NBAS: variants seen among roughly 807,000 people sequenced by gnomAD.
NBAS encodes NAG/BC035112 fusion.
Under a neutral mutation model 302.5 loss-of-function variants are expected in NBAS, and 219 were observed. The observed-to-expected ratio is 0.72, with a 90% CI of 0.65 to 0.81. The LOEUF is 0.81. NBAS is among the 30% of genes least tolerant of loss of function. NBAS has a pLI of 0.00. For missense variants in NBAS, 2,932 were observed against 2,841.6 expected, an observed-to-expected ratio of 1.03 and a Z score of -0.72; for synonymous variants, 1,118 against 1,021.6, an observed-to-expected ratio of 1.09 and a Z score of -1.80.
At position 15,473,246 on chromosome 2, in the gene NBAS, G is replaced by A. The variant is rs745327746; in HGVS notation, c.1701C>T (p.Asn567=). 2.4e-5 allele frequency: 38 copies of A among 1,614,016 alleles called. No individual in the cohort carries two copies. The East Asian group carries it at 2.7e-4, about 11-fold the overall frequency. Residue 567 remains asparagine (N), a synonymous_variant, in exon 16 of 52, where the codon AAC becomes AAT. Coordinates refer to ENST00000281513, the MANE Select transcript of NBAS (RefSeq NM_015909.4). ...CCAAATAATTCTGAATTGAAGCAAC[G>A]TTGACCGCTGACTTCCTCCACTGCC... ...YQRQWRKSAV[N]VASIQNYLSK... is the part of the protein sequence containing the mutation.
At chr2:15,125,062 A>G in the NBAS span, among the ~76,000 whole-genome samples, 1 of 152,190 alleles carries the variant, frequency 6.6e-6, no homozygotes, top group Non-Finnish European at 1.5e-5. Context: ...CAACCTCAGC[A>G]TGGAAAAGCT....
chr2:15,063,358 C>T, the NBAS span, among the ~76,000 whole-genome samples: 5 of 152,086 alleles, frequency 3.3e-5, no homozygotes, highest in Admixed American at 2.6e-4. Context: ...AGCTCTGTAG[C>T]TCACGGTGGT....
At chr2:15,095,215 A>G in the NBAS span, among the ~76,000 whole-genome samples, 1 of 152,154 alleles carries the variant, frequency 6.6e-6, no homozygotes, top group African/African-American at 2.4e-5. Flanking sequence ...CCACAGCTAT[A>G]GATGTAGTGT....
At chr2:14,964,169 A>G in the NBAS span, among the ~76,000 whole-genome samples, 1 of 152,264 alleles carries the variant, frequency 6.6e-6, no homozygotes, top group African/African-American at 2.4e-5. Flanking sequence ...GCAAAGCAGC[A>G]GAAAAATACT....
At chr2:15,118,743 T>C in the NBAS span, among the ~76,000 whole-genome samples, 10 of 152,084 alleles carry the variant, frequency 6.6e-5, no homozygotes, top group African/African-American at 2.4e-4. Context: ...TGCAGAAAAG[T>C]GAAGAAGCTG....
chr2:15,181,631 T>C (rs1304633968), intron 50 of NBAS, among the ~76,000 whole-genome samples: 2 of 152,198 alleles, frequency 1.3e-5, no homozygotes, highest in Non-Finnish European at 2.9e-5. Flanking sequence ...GAACAAGAGA[T>C]GCCTTGGATG....
chr2:14,882,827 GT>G, the NBAS span, among the ~76,000 whole-genome samples: 12 of 152,110 alleles, frequency 7.9e-5, no homozygotes, highest in Non-Finnish European at 1.6e-4. Flanking sequence ...AGCCTGATAG[GT>G]TTTTGTTAAT....
Position 15,499,773 on chromosome 2 carries a change from A to C in NBAS, c.954+4372T>G, listed in dbSNP as rs554865278. 2.0e-5 allele frequency among the ~76,000 whole-genome samples: 3 copies of C among 152,304 alleles called. No individual in the cohort carries two copies. The East Asian group carries it at 5.8e-4, about 29-fold the overall frequency. On this transcript the variant is annotated intron_variant, in intron 11 of 51. Transcript: ENST00000281513. ...ACCCCTGAACTTACAATAAAAGTTA[A>C]ATTTTTTAAAAAAGTAAAAATTTAA... is the stretch of plus-strand genomic sequence containing the variant.
intron 30 of NBAS, among the ~76,000 whole-genome samples, chr2:15,376,639 G>C (rs1674756879): frequency 6.6e-6 from 1 of 152,106 alleles, no homozygotes; most frequent in Non-Finnish European, 1.5e-5. Flanking sequence ...TTACTTTTAA[G>C]CGTTGCTAGG....
In NBAS at chr2:15,461,295, C is replaced by G; in HGVS notation, c.2245G>C (p.Gly749Arg). The change falls in exon 21 of 52, where the codon GGT (glycine) becomes CGT (arginine). Residue 749 changes from glycine (G) to arginine (R), a missense_variant. Physicochemically the swap from Gly to Arg is moderately radical, Grantham distance 125. Coordinates refer to ENST00000281513, the MANE Select transcript of NBAS (RefSeq NM_015909.4). ...AGGCGATGAGGAAGCAGGTCGGAACCATGGTAAGTAAACAGAATTTCCAGG... is the reference window on the plus strand; with the variant it reads ...AGGCGATGAGGAAGCAGGTCGGAACGATGGTAAGTAAACAGAATTTCCAGG... ...QALEILFTYHGSDLLPHRLAI... is the reference protein window; with the variant it reads ...QALEILFTYHRSDLLPHRLAI... 1 of 1,613,112 alleles carries G rather than the reference C, an allele frequency of 6.2e-7. No homozygotes were observed.
chr2:15,526,411 GT>G (rs1662915476), intron 9 of NBAS, among the ~76,000 whole-genome samples: 1 of 151,992 alleles, frequency 6.6e-6, no homozygotes, highest in African/African-American at 2.4e-5. Context: ...ATAAAATCCT[GT>G]TTGTATATTA....
intron 49 of NBAS, among the ~76,000 whole-genome samples, chr2:15,188,481 T>G (rs986087956): frequency 3.9e-5 from 6 of 152,174 alleles, no homozygotes; most frequent in African/African-American, 1.2e-4. Context: ...CTCCAGAATA[T>G]TTGATTTATG....
At chr2:15,078,522 T>C in the NBAS span, among the ~76,000 whole-genome samples, 1 of 152,228 alleles carries the variant, frequency 6.6e-6, no homozygotes, top group Non-Finnish European at 1.5e-5. Context: ...CATTTGGCAC[T>C]CGCAAAGACT....
At chr2:15,251,595 C>A (rs1227217299) in intron 44 of NBAS, among the ~76,000 whole-genome samples, 1 of 152,128 alleles carries the variant, frequency 6.6e-6, no homozygotes, top group Non-Finnish European at 1.5e-5. Context: ...TGATGATATG[C>A]TAAATTAGGG....
At chr2:14,795,390 C>T in the NBAS span, among the ~76,000 whole-genome samples, 11 of 151,834 alleles carry the variant, frequency 7.2e-5, no homozygotes, top group South Asian at 2.3e-3. Flanking sequence ...ACCTATATGC[C>T]TTCTTTGGTG....
chr2:14,945,717 G>T, the NBAS span, among the ~76,000 whole-genome samples: 1 of 152,068 alleles, frequency 6.6e-6, no homozygotes. Context: ...TTGAAGACAG[G>T]CTACTTCAAA....
the NBAS span, among the ~76,000 whole-genome samples, chr2:14,988,775 T>C: frequency 2.0e-5 from 3 of 152,222 alleles, no homozygotes; most frequent in Admixed American, 6.5e-5. Context: ...GTAAAAATTT[T>C]AAATTTTTAG....
intron 28 of NBAS, 43 bp from the exon 29 acceptor site, chr2:15,383,360 C>T: frequency 6.4e-7 from 1 of 1,551,444 alleles, no homozygotes; most frequent in Non-Finnish European, 8.9e-7. Flanking sequence ...GGAAAGAAAA[C>T]AATTAAAATC....
At chr2:15,132,293 G>C in the NBAS span, among the ~76,000 whole-genome samples, 1 of 152,304 alleles carries the variant, frequency 6.6e-6, no homozygotes, top group Admixed American at 6.5e-5. Context: ...GGACATTTAT[G>C]TACATACTTC....
Sources: allele counts gnomAD v4.1 joint callset (sites outside exome capture counted in the v4.1 genomes callset), GRCh38; gene constraint gnomAD v4.1.1; transcripts MANE v1.5; gene names NCBI Gene and HGNC (gene_info 2026-07-23, HGNC 2026-07-21).